The following ARL15 variants were observed in gnomAD, a reference collection of about 807,000 sequenced individuals.
ARL15 encodes the protein ADP-ribosylation factor-like protein 15.
A neutral mutation model predicts 25.2 loss-of-function variants in ARL15; 19 were observed. That is an observed-to-expected ratio of 0.75 (90% CI 0.53 to 1.10). ARL15 has a LOEUF of 1.10. Among genes scored for constraint, ARL15 ranks in the 50% least tolerant of loss-of-function variants. ARL15 has a pLI of 0.00. For synonymous variants in ARL15, 94 were observed against 86.8 expected, an observed-to-expected ratio of 1.08 and a Z score of -0.46; for missense variants, 220 against 246.0, an observed-to-expected ratio of 0.89 and a Z score of 0.71.
intron 1 of ARL15, among the ~76,000 whole-genome samples, chr5:54,192,327 A>G (rs925472441): frequency 4.2e-4 from 64 of 151,738 alleles, no homozygotes; most frequent in African/African-American, 1.5e-3. Flanking sequence ...ACTACCTTAC[A>G]TGTTTTCCCA....
chr5:54,244,356 G>A (rs1262785490), intron 1 of ARL15, among the ~76,000 whole-genome samples: 1 of 152,130 alleles, frequency 6.6e-6, no homozygotes, highest in East Asian at 1.9e-4. Flanking sequence ...TACCATTAGA[G>A]AAACCACGCT....
chr5:54,198,911 A>G (rs1454234765), intron 1 of ARL15, among the ~76,000 whole-genome samples: 3 of 152,206 alleles, frequency 2.0e-5, no homozygotes, highest in African/African-American at 7.2e-5. Flanking sequence ...ACAAGGCTAC[A>G]GTAACCAAAA....
intron 4 of ARL15, among the ~76,000 whole-genome samples, chr5:53,975,257 C>T (rs561129537): frequency 6.6e-6 from 1 of 152,268 alleles, no homozygotes; most frequent in Admixed American, 6.5e-5. Context: ...CTGAGGGATC[C>T]CCCAGCAGCT....
chr5:54,197,201 G>T (rs1266917415), intron 1 of ARL15, among the ~76,000 whole-genome samples: 1 of 151,968 alleles, frequency 6.6e-6, no homozygotes, highest in Non-Finnish European at 1.5e-5. Context: ...ACATCTTTCA[G>T]CAGCAAGAAC....
intron 4 of ARL15, among the ~76,000 whole-genome samples, chr5:54,107,497 A>G (rs945961982): frequency 5.3e-5 from 8 of 152,152 alleles, no homozygotes; most frequent in Non-Finnish European, 1.2e-4. Context: ...AAACTTCGAT[A>G]GGAAGTTTGC....
rs73757046 is a variant in ARL15 at position 54,300,542 on chromosome 5, T to C, written c.48+9890A>G. On this transcript the variant is annotated intron_variant, in intron 1 of 4. Transcript: ENST00000504924. The stretch of plus-strand genomic sequence containing the variant: ...AACCCCGATTCACGAGTAAAATACA[T>C]TGTTATTGTGTTAAACTATTGTTTT... Among the ~76,000 whole-genome samples the C allele has an allele frequency of 4.5e-3, 693 of 152,340 alleles. 5 individuals carry two copies. The highest frequency in any genetic ancestry group is 0.016 in the African/African-American group (668 of 41,580).
chr5:53,930,806 A>G (rs990317337), intron 4 of ARL15, among the ~76,000 whole-genome samples: 1 of 152,208 alleles, frequency 6.6e-6, no homozygotes, highest in Non-Finnish European at 1.5e-5. Flanking sequence ...GGTAGAGGGA[A>G]TTAAGCTGTA....
intron 3 of ARL15, among the ~76,000 whole-genome samples, chr5:54,122,995 A>C (rs1753129494): frequency 1.3e-5 from 2 of 152,196 alleles, no homozygotes; most frequent in Admixed American, 1.3e-4. Context: ...AAGTTAATTA[A>C]TGAGTGAATG....
chr5:54,159,161 G>A lies in ARL15; in HGVS notation c.194-4522C>T, dbSNP rs116076625. Among the ~76,000 whole-genome samples the A allele has an allele frequency of 2.6e-3, 403 of 152,156 alleles. 1 individual carries two copies. The highest frequency in any genetic ancestry group is 4.8e-3 in the Non-Finnish European group (325 of 67,998). On this transcript the variant is annotated intron_variant, in intron 2 of 4. Coordinates refer to ENST00000504924, the MANE Select transcript of ARL15 (RefSeq NM_019087.3). ...AACCCAACACAAGAAACCCAAATAA[G>A]GGTTTTCAGGTCTATATGCCATTGC...
intron 1 of ARL15, among the ~76,000 whole-genome samples, chr5:54,175,692 AC>A (rs111429474): frequency 0.25 from 37,239 of 146,316 alleles, 5,042 homozygotes; most frequent in African/African-American, 0.34. Context: ...TGTCTCTGTC[AC>A]TCAGGCTGGA....
At chr5:53,953,424 A>G (rs1376759644) in intron 4 of ARL15, among the ~76,000 whole-genome samples, 1 of 152,256 alleles carries the variant, frequency 6.6e-6, no homozygotes, top group Non-Finnish European at 1.5e-5. Flanking sequence ...TGAACTTTTT[A>G]TACAGCAAAG....
chr5:54,219,936 T>C (rs773573223), intron 1 of ARL15, among the ~76,000 whole-genome samples: 1 of 152,166 alleles, frequency 6.6e-6, no homozygotes, highest in Non-Finnish European at 1.5e-5. Flanking sequence ...GATAATCTAG[T>C]GGTATCTTGA....
intron 1 of ARL15, among the ~76,000 whole-genome samples, chr5:54,240,761 T>C (rs1187944544): frequency 2.0e-5 from 3 of 149,870 alleles, no homozygotes; most frequent in Admixed American, 6.6e-5. Context: ...TCCACAAAGC[T>C]CCGAAATCCA....
At chr5:53,947,324 C>T (rs188999527) in intron 4 of ARL15, among the ~76,000 whole-genome samples, 33 of 151,938 alleles carry the variant, frequency 2.2e-4, no homozygotes, top group African/African-American at 7.7e-4. Context: ...ATACAGGTTT[C>T]TCCTTTCTCC....
Position 54,061,915 on chromosome 5 carries a change from C to A in ARL15, c.462+51287G>T, listed in dbSNP as rs190049178. ...GCCACAGACACTCAATGCCAGCCCA[C>A]GAAAGCAGCCAGGAGGGAGGCTGTA... is the stretch of plus-strand genomic sequence containing the variant. On this transcript the variant is annotated intron_variant, in intron 4 of 4. Transcript: ENST00000504924. Among the ~76,000 whole-genome samples, 79 of 152,230 alleles carry A rather than the reference C, an allele frequency of 5.2e-4. No homozygotes were observed. In the East Asian group the frequency reaches 0.014, roughly 27 times the overall value.
chr5:54,048,923 G>A (rs971097188), intron 4 of ARL15, among the ~76,000 whole-genome samples: 2 of 152,048 alleles, frequency 1.3e-5, no homozygotes, highest in Non-Finnish European at 2.9e-5. Context: ...AGGTGATCAA[G>A]GAGTTTTACC....
intron 4 of ARL15, among the ~76,000 whole-genome samples, chr5:53,899,099 C>T (rs944956995): frequency 6.6e-6 from 1 of 152,014 alleles, no homozygotes; most frequent in African/African-American, 2.4e-5. Context: ...GTAATCCCAG[C>T]ACTTTGGGAG....
chr5:53,992,021 T>TATTGGATAGA (rs1273128128), intron 4 of ARL15, among the ~76,000 whole-genome samples: 3 of 152,222 alleles, frequency 2.0e-5, no homozygotes, highest in Non-Finnish European at 4.4e-5. Context: ...CTTGGAATCA[T>TATTGGATAGA]ATTGGATAGA....
chr5:54,051,766 C>T (rs571114785), intron 4 of ARL15, among the ~76,000 whole-genome samples: 12 of 152,250 alleles, frequency 7.9e-5, no homozygotes, highest in Admixed American at 2.6e-4. Flanking sequence ...CTTACAAATA[C>T]GACCCAACAA....
Sources: gnomAD v4.1 joint callset for allele counts (sites outside exome capture counted in the v4.1 genomes callset) on GRCh38, gnomAD v4.1.1 for gene constraint, MANE v1.5 for transcripts, NCBI Gene and HGNC (gene_info 2026-07-23, HGNC 2026-07-21) for gene names.